Variants in SEMA6A observed in about 807,000 individuals in gnomAD.
SEMA6A encodes the protein semaphorin-6A.
In SEMA6A, 25 loss-of-function variants were observed where a neutral mutation model predicts 96.8. The ratio of observed to expected loss-of-function variants is 0.26; its 90% CI spans 0.19 to 0.36. The LOEUF (loss-of-function observed/expected upper bound fraction) is 0.36, where lower values mean the gene tolerates loss of function less well. SEMA6A is among the 10% of genes least tolerant of loss of function. The pLI is 1.00. For synonymous variants in SEMA6A, 612 were observed against 518.0 expected, an observed-to-expected ratio of 1.18 and a Z score of -2.46; for missense variants, 1,363 against 1,323.1, an observed-to-expected ratio of 1.03 and a Z score of -0.47.
At chr5:116,522,523 G>A (rs1759006030) in intron 1 of SEMA6A, among the ~76,000 whole-genome samples, 1 of 152,144 alleles carries the variant, frequency 6.6e-6, no homozygotes, top group Admixed American at 6.5e-5. Flanking sequence ...TATGGTGGCT[G>A]GTGGTTTACA....
intron 1 of SEMA6A, chr5:116,554,748 G>A (rs1760545806): frequency 6.6e-6 from 1 of 151,150 alleles, no homozygotes; most frequent in African/African-American, 2.4e-5. Context: ...CCTTTTGGGA[G>A]TTTCATGTCA....
Position 116,482,566 on chromosome 5 carries a change from C to T in SEMA6A, c.972G>A (p.Gly324=), listed in dbSNP as rs374094936. 1.1e-5 allele frequency: 18 copies of T among 1,613,358 alleles called. No individual in the cohort carries two copies. The African/African-American group carries it at 1.9e-4, about 17-fold the overall frequency. ...GCATGTCATAGGCACAGACTGCAGA[C>T]CCAGGGATGCTACAACATGATATTT... ...TFSTPYNSIP[G]SAVCAYDMLD... The change falls in exon 11 of 19, where the codon GGG becomes GGA. Residue 324 remains glycine, a synonymous_variant. Coordinates refer to ENST00000343348, the MANE Select transcript of SEMA6A (RefSeq NM_020796.5).
At chr5:116,572,163 G>A (rs1006235293) in intron 1 of SEMA6A, among the ~76,000 whole-genome samples, 23 of 152,354 alleles carry the variant, frequency 1.5e-4, no homozygotes, top group African/African-American at 5.1e-4. Context: ...GCACAACACT[G>A]CAAGTGGGTT....
At position 116,482,557 on chromosome 5, in the gene SEMA6A, G is replaced by A; in HGVS notation, c.981C>T (p.Val327=). Residue 327 remains valine, a synonymous_variant, in exon 11 of 19, where the codon GTC becomes GTT. Transcript: ENST00000343348. ...CAATGTCAAGCATGTCATAGGCACAGACTGCAGACCCAGGGATGCTACAAC... is the reference window on the plus strand; with the variant it reads ...CAATGTCAAGCATGTCATAGGCACAAACTGCAGACCCAGGGATGCTACAAC... The part of the protein sequence containing the change: ...TPYNSIPGSA[V]CAYDMLDIAS... 1 of 1,613,628 alleles carries A rather than the reference G, an allele frequency of 6.2e-7. No homozygotes were observed. The highest frequency in any genetic ancestry group is 8.5e-7 in the Non-Finnish European group (1 of 1,179,662).
intron 2 of SEMA6A, among the ~76,000 whole-genome samples, chr5:116,504,123 T>C (rs1382238307): frequency 6.6e-6 from 1 of 152,174 alleles, no homozygotes; most frequent in Non-Finnish European, 1.5e-5. Flanking sequence ...GTGTTTGTTT[T>C]GGGGTCATTA....
intron 1 of SEMA6A, among the ~76,000 whole-genome samples, chr5:116,526,768 A>C (rs1434122753): frequency 6.6e-6 from 1 of 152,138 alleles, no homozygotes; most frequent in Non-Finnish European, 1.5e-5. Flanking sequence ...TTCTATATAC[A>C]CGCCCAGGTA....
intron 1 of SEMA6A, among the ~76,000 whole-genome samples, chr5:116,526,706 A>AAGAAG (rs1185859395): frequency 2.0e-5 from 3 of 152,226 alleles, no homozygotes; most frequent in African/African-American, 7.2e-5. Flanking sequence ...GTTACTATAG[A>AAGAAG]TTGCACTAGG....
chr5:116,471,929 T>G (rs1756169391), intron 17 of SEMA6A, among the ~76,000 whole-genome samples: 1 of 152,190 alleles, frequency 6.6e-6, no homozygotes, highest in Non-Finnish European at 1.5e-5. Context: ...TTTTTAAAAT[T>G]TATTTTTCTC....
At chr5:116,509,076 G>A (rs763280878) in intron 1 of SEMA6A, among the ~76,000 whole-genome samples, 26 of 152,278 alleles carry the variant, frequency 1.7e-4, no homozygotes, top group East Asian at 1.9e-4. Context: ...TGCAGCAAAC[G>A]GTGCATAAAT....
At chr5:116,521,046 G>A (rs1441715529) in intron 1 of SEMA6A, among the ~76,000 whole-genome samples, 1 of 152,212 alleles carries the variant, frequency 6.6e-6, no homozygotes, top group African/African-American at 2.4e-5. Context: ...AGTTTGACCA[G>A]ATTGTATAGG....
chr5:116,466,144 G>T (rs1042169930), intron 18 of SEMA6A, among the ~76,000 whole-genome samples: 33 of 151,764 alleles, frequency 2.2e-4, no homozygotes, highest in African/African-American at 7.7e-4. Flanking sequence ...GCCGAGGCGG[G>T]TGGATCACCT....
intron 1 of SEMA6A, chr5:116,536,520 C>T (rs1759718526): frequency 6.6e-6 from 1 of 151,982 alleles, no homozygotes; most frequent in Non-Finnish European, 1.5e-5. Flanking sequence ...GAGGTGGGAC[C>T]AAAAGAGGAA....
intron 11 of SEMA6A, among the ~76,000 whole-genome samples, chr5:116,481,902 C>G (rs1199742755): frequency 2.0e-5 from 3 of 152,158 alleles, no homozygotes; most frequent in Admixed American, 2.0e-4. Flanking sequence ...GGACCCAAAA[C>G]AGACCAAAAC....
chr5:116,492,575 G>T (rs894782587), intron 6 of SEMA6A: 23 of 152,306 alleles, frequency 1.5e-4, no homozygotes, highest in Admixed American at 1.2e-3. Context: ...GAGAATAGGA[G>T]GAAAAAGGCA....
chr5:116,553,977 G>T (rs550106392), intron 1 of SEMA6A, among the ~76,000 whole-genome samples: 1 of 152,138 alleles, frequency 6.6e-6, no homozygotes, highest in South Asian at 2.1e-4. Flanking sequence ...AGCATGGATC[G>T]TTCTTAAATC....
intron 1 of SEMA6A, among the ~76,000 whole-genome samples, chr5:116,516,172 C>T (rs564392839): frequency 6.6e-6 from 1 of 152,160 alleles, no homozygotes; most frequent in East Asian, 1.9e-4. Context: ...TTACAAGCTT[C>T]TGATTATACA....
intron 18 of SEMA6A, among the ~76,000 whole-genome samples, chr5:116,458,957 G>A (rs1353386248): frequency 7.9e-5 from 12 of 152,054 alleles, no homozygotes; most frequent in Admixed American, 7.9e-4. Context: ...CCCAGCACCT[G>A]ACTTGCTCAC....
At chr5:116,479,880 T>TTCC (rs1756663577) in intron 12 of SEMA6A, among the ~76,000 whole-genome samples, 1 of 152,184 alleles carries the variant, frequency 6.6e-6, no homozygotes. Context: ...AGGAAAGGTA[T>TTCC]TTCCTTCCTC....
At chr5:116,499,378 T>A (rs537843139) in intron 3 of SEMA6A, among the ~76,000 whole-genome samples, 3 of 136,528 alleles carry the variant, frequency 2.2e-5, no homozygotes, top group East Asian at 4.2e-4. Context: ...CAAGCACCAC[T>A]GAATTGTGTT....
Sources: allele counts gnomAD v4.1 joint callset (sites outside exome capture counted in the v4.1 genomes callset), GRCh38; gene constraint gnomAD v4.1.1; transcripts MANE v1.5; gene names NCBI Gene and HGNC (gene_info 2026-07-23, HGNC 2026-07-21).